Variants in EFHC1 observed in about 807,000 individuals in gnomAD.
The protein encoded by EFHC1 is EF-hand domain-containing protein 1.
A neutral mutation model predicts 69.9 loss-of-function variants in EFHC1; 53 were observed. The observed-to-expected ratio is 0.76, with a 90% CI of 0.61 to 0.95. EFHC1 has a LOEUF of 0.95. Ranked by LOEUF, EFHC1 falls within the 40% of genes least tolerant of loss-of-function variation. EFHC1 has a pLI of 0.00. For missense variants in EFHC1, 739 were observed against 798.7 expected, an observed-to-expected ratio of 0.93 and a Z score of 0.90; for synonymous variants, 256 against 278.4, an observed-to-expected ratio of 0.92 and a Z score of 0.80.
At chr6:52,433,720 G>A (rs1360256358) in intron 2 of EFHC1, among the ~76,000 whole-genome samples, 1 of 152,178 alleles carries the variant, frequency 6.6e-6, no homozygotes, top group Non-Finnish European at 1.5e-5. Flanking sequence ...ACAGGCAGTG[G>A]GTGGGCCCCT....
chr6:52,452,366 T>C (rs1026499523), intron 3 of EFHC1, among the ~76,000 whole-genome samples: 1 of 152,208 alleles, frequency 6.6e-6, no homozygotes, highest in Admixed American at 6.5e-5. Flanking sequence ...AGTGTCATGA[T>C]CATGGCTCAC....
chr6:52,423,656 AAT>A, intron 1 of EFHC1: 1 of 488,038 alleles, frequency 2.0e-6, no homozygotes, highest in South Asian at 2.4e-5. Context: ...ACACCCAGCT[AAT>A]TTTTTTTTTT....
Position 52,494,911 on chromosome 6 carries a change from A to G in EFHC1, c.*2570A>G, listed in dbSNP as rs1411014323. The G allele has an allele frequency of 2.2e-6, 1 of 452,084 alleles. No homozygotes were observed. Among genetic ancestry groups the G allele is most frequent in the African/African-American group, 2.0e-5 (1 of 50,056 alleles). The allele number at this position is 452,084 out of a possible 1,614,324, so 28.0% of individuals were successfully genotyped here. ...ATGGCTGCGTAGTATTCCATGGTGTAGATATACTTCATTTAAAAAATCTAA... is the reference window on the plus strand; with the variant it reads ...ATGGCTGCGTAGTATTCCATGGTGTGGATATACTTCATTTAAAAAATCTAA... On this transcript the variant is annotated 3_prime_UTR_variant, in exon 11 of 11. Transcript: ENST00000371068.
intron 5 of EFHC1, among the ~76,000 whole-genome samples, chr6:52,462,850 T>TG (rs1383264527): frequency 7.1e-6 from 1 of 141,302 alleles, no homozygotes; most frequent in Non-Finnish European, 1.5e-5. Context: ...ATTGTGCCAG[T>TG]GCACTCCAGG....
rs143195784 is a variant in EFHC1, at chr6:52,430,669, A to C, written c.285+6502A>C. 2.8e-3 allele frequency among the ~76,000 whole-genome samples: 429 copies of C among 151,990 alleles called. 2 individuals carry two copies. Among genetic ancestry groups the C allele is most frequent in the African/African-American group, 9.6e-3 (400 of 41,496 alleles). On this transcript the variant is annotated intron_variant, in intron 2 of 10. Coordinates refer to ENST00000371068, the MANE Select transcript of EFHC1 (RefSeq NM_018100.4). ...ATCAGGGATATCAGTCTATAGTTTT[A>C]TTTTTTGGTTATGTCCTTTCCTGGT...
Position 52,494,907 on chromosome 6 carries a change from G to A in EFHC1, c.*2566G>A. 1 of 451,864 alleles carries A rather than the reference G, an allele frequency of 2.2e-6. No homozygotes were observed. The highest frequency in any genetic ancestry group is 4.4e-6 in the Non-Finnish European group (1 of 225,226). The allele number at this position is 451,864 out of a possible 1,614,324, so 28.0% of individuals were successfully genotyped here. On this transcript the variant is annotated 3_prime_UTR_variant, in exon 11 of 11. Coordinates refer to ENST00000371068, the MANE Select transcript of EFHC1 (RefSeq NM_018100.4). Reference sequence around the variant, plus strand: ...TTTTATGGCTGCGTAGTATTCCATGGTGTAGATATACTTCATTTAAAAAAT... The same window carrying A: ...TTTTATGGCTGCGTAGTATTCCATGATGTAGATATACTTCATTTAAAAAAT...
At chr6:52,438,860 T>C (rs1764596169) in intron 3 of EFHC1, among the ~76,000 whole-genome samples, 1 of 152,174 alleles carries the variant, frequency 6.6e-6, no homozygotes, top group Non-Finnish European at 1.5e-5. Flanking sequence ...CAGGTTAAAA[T>C]GGCAGTTCAA....
At chr6:52,421,243 T>C (rs1764185111) in intron 1 of EFHC1, among the ~76,000 whole-genome samples, 1 of 152,246 alleles carries the variant, frequency 6.6e-6, no homozygotes. Flanking sequence ...TTGTAAGAGA[T>C]ATTCCTTTCC....
intron 2 of EFHC1, among the ~76,000 whole-genome samples, chr6:52,431,923 G>C (rs1455423351): frequency 6.6e-6 from 1 of 151,996 alleles, no homozygotes; most frequent in African/African-American, 2.4e-5. Flanking sequence ...TTTTCCTGTT[G>C]GACAGGTCTT....
Position 52,492,400 on chromosome 6 carries a change from C to T in EFHC1, c.*59C>T. On this transcript the variant is annotated 3_prime_UTR_variant, in exon 11 of 11. Coordinates refer to ENST00000371068, the MANE Select transcript of EFHC1 (RefSeq NM_018100.4). Reference sequence around the variant, plus strand: ...TACTGGAACTATGCTTTGAAATACACCTTACACTCTTCATAGAGGCATTTA... The same window carrying T: ...TACTGGAACTATGCTTTGAAATACATCTTACACTCTTCATAGAGGCATTTA... 1 of 1,489,952 alleles carries T rather than the reference C, an allele frequency of 6.7e-7. No homozygotes were observed. Among genetic ancestry groups the T allele is most frequent in the Non-Finnish European group, 9.3e-7 (1 of 1,071,144 alleles). 92.3% of individuals were successfully genotyped at this position (1,489,952 alleles called of 1,614,324 possible).
intron 7 of EFHC1, among the ~76,000 whole-genome samples, chr6:52,472,240 T>C (rs1765454506): frequency 3.9e-5 from 6 of 152,298 alleles, no homozygotes; most frequent in Middle Eastern, 3.4e-3. Context: ...AAAAGTCTAC[T>C]GCAAACAGCT....
In EFHC1 at chr6:52,438,320, C is replaced by T; in HGVS notation, c.302C>T (p.Ala101Val). The change falls in exon 3 of 11, where the codon GCC becomes GTC. Residue 101 changes from alanine (A) to valine (V), a missense_variant. By Grantham distance (64) the Ala-to-Val change is moderately conservative. Transcript: ENST00000371068. ...ATGTTATAGGTACTGAAATTTGATG[C>T]CTATTTCCAAGAAGATGTTCCTATG... ...AFDKKVLKFD[A>V]YFQEDVPMST... is the part of the protein sequence containing the mutation. The T allele has an allele frequency of 1.2e-6, 2 of 1,613,154 alleles. No individual in the cohort carries two copies. The highest frequency in any genetic ancestry group is 1.7e-6 in the Non-Finnish European group (2 of 1,179,624).
Position 52,489,819 on chromosome 6 carries a change from G to C in EFHC1, c.1641-321G>C, listed in dbSNP as rs550718590. On this transcript the variant is annotated intron_variant, in intron 9 of 10. Transcript: ENST00000371068. ...ACATTAATCTGCAACAGTAGTAAGA[G>C]ACAATGATGTGATTCTCACAGATAC... Among the ~76,000 whole-genome samples, 10 of 152,310 alleles carry C rather than the reference G, an allele frequency of 6.6e-5. No individual in the cohort carries two copies. In the South Asian group the frequency reaches 2.1e-3, roughly 32 times the overall value.
chr6:52,431,515 G>T (rs1230823144), intron 2 of EFHC1, among the ~76,000 whole-genome samples: 1 of 152,124 alleles, frequency 6.6e-6, no homozygotes, highest in Non-Finnish European at 1.5e-5. Flanking sequence ...TGGTTTTGAA[G>T]GTTCCTTTTG....
rs565876483 is a variant in EFHC1 at position 52,467,527 on chromosome 6, C to G, written c.1138-1806C>G. Among the ~76,000 whole-genome samples, 235 of 152,204 alleles carry G rather than the reference C, an allele frequency of 1.5e-3. 1 individual carries two copies. The highest frequency in any genetic ancestry group is 5.5e-3 in the African/African-American group (228 of 41,522). ...GAATTTTTTGAGTCTTAGAATACCT[C>G]TGTTCCCCATCCTTATTACTATCAT... On this transcript the variant is annotated intron_variant, in intron 6 of 10. Coordinates refer to ENST00000371068, the MANE Select transcript of EFHC1 (RefSeq NM_018100.4).
intron 9 of EFHC1, chr6:52,489,178 A>C (rs1166489223): frequency 6.6e-6 from 1 of 152,238 alleles, no homozygotes; most frequent in Non-Finnish European, 1.5e-5. Flanking sequence ...GTAAATACAG[A>C]AAAGCAATGG....
At chr6:52,427,104 T>C (rs924279763) in intron 2 of EFHC1, among the ~76,000 whole-genome samples, 1 of 152,244 alleles carries the variant, frequency 6.6e-6, no homozygotes, top group Non-Finnish European at 1.5e-5. Flanking sequence ...TTCTAAAATA[T>C]GTAACTAATT....
intron 3 of EFHC1, among the ~76,000 whole-genome samples, chr6:52,449,442 A>C (rs949742551): frequency 1.3e-5 from 2 of 151,836 alleles, no homozygotes; most frequent in Non-Finnish European, 2.9e-5. Context: ...TCAGCTGTGA[A>C]TCCCTCTGGC....
At chr6:52,466,514 G>A (rs1044113194) in intron 6 of EFHC1, among the ~76,000 whole-genome samples, 1 of 151,914 alleles carries the variant, frequency 6.6e-6, no homozygotes, top group Non-Finnish European at 1.5e-5. Flanking sequence ...CTATTCCTGG[G>A]GTATTCTCTG....
Sources: allele counts gnomAD v4.1 joint callset (sites outside exome capture counted in the v4.1 genomes callset), GRCh38; gene constraint gnomAD v4.1.1; transcripts MANE v1.5; gene names NCBI Gene and HGNC (gene_info 2026-07-23, HGNC 2026-07-21).